The following NEB variants were observed in gnomAD, a reference collection of about 807,000 sequenced individuals.
The protein encoded by NEB is nebulin.
A neutral mutation model predicts 952.2 loss-of-function variants in NEB; 512 were observed. The ratio of observed to expected loss-of-function variants is 0.54; its 90% CI spans 0.50 to 0.58. NEB has a LOEUF of 0.58. NEB is among the 20% of genes least tolerant of loss of function. The probability of loss-of-function intolerance (pLI) is 0.00; values close to 1 mark genes in which losing one functional copy is unlikely to be tolerated. For missense variants in NEB, 8,428 were observed against 9,231.1 expected (o/e 0.91, Z 3.56); for synonymous variants, 2,900 against 3,149.8 (o/e 0.92, Z 2.66).
chr2:151,630,858 A>T, intron 66 of NEB, 39 bp from the exon 67 acceptor site: 1 of 1,493,016 alleles, frequency 6.7e-7, no homozygotes, highest in Non-Finnish European at 9.0e-7. Flanking sequence ...AAATCATTTG[A>T]AATAGAAATG....
chr2:151,554,513 T>C (rs899956136), intron 125 of NEB, among the ~76,000 whole-genome samples: 9 of 152,146 alleles, frequency 5.9e-5, no homozygotes, highest in African/African-American at 1.9e-4. Flanking sequence ...TGAGCTGTGA[T>C]TGCACCACTG....
Position 151,631,136 on chromosome 2 carries a change from G to T in NEB, c.9618+7C>A, listed in dbSNP as rs760075915. 2 of 1,613,626 alleles carry T rather than the reference G, an allele frequency of 1.2e-6. No individual in the cohort carries two copies. Among genetic ancestry groups the T allele is most frequent in the Non-Finnish European group, 8.5e-7 (1 of 1,179,654 alleles). Reference sequence around the variant, plus strand: ...TCTTGGAGAAGCTTAAGGCAGCTAGGACTCACCTTATTCATGTTGAGAGCA... The same window carrying T: ...TCTTGGAGAAGCTTAAGGCAGCTAGTACTCACCTTATTCATGTTGAGAGCA... On this transcript the variant is annotated splice_region_variant and intron_variant, in intron 66 of 181. Transcript: ENST00000397345.
In NEB at chr2:151,690,796, G is replaced by T. The variant is rs2149102366; in HGVS notation, c.2241C>A (p.Thr747=). Residue 747 remains threonine, a synonymous_variant, in exon 24 of 182, where the codon ACC becomes ACA. Coordinates refer to ENST00000397345, the MANE Select transcript of NEB (RefSeq NM_001164508.2). ...GAGAATCAGTGACTGCCGTGAATTTGGTCTTATCTGGATGAACTTTGTAGG... is the reference window on the plus strand; with the variant it reads ...GAGAATCAGTGACTGCCGTGAATTTTGTCTTATCTGGATGAACTTTGTAGG... ...DHTYKVHPDK[T]KFTAVTDSPV... 1 of 1,593,974 alleles carries T rather than the reference G, an allele frequency of 6.3e-7. No individual in the cohort carries two copies. Among genetic ancestry groups the T allele is most frequent in the Non-Finnish European group, 8.5e-7 (1 of 1,169,640 alleles).
chr2:151,556,721 G>A (rs1207456134), intron 124 of NEB, among the ~76,000 whole-genome samples: 1 of 152,004 alleles, frequency 6.6e-6, no homozygotes, highest in Non-Finnish European at 1.5e-5. Flanking sequence ...ACAAGTTCTT[G>A]GAGACCTACA....
intron 124 of NEB, among the ~76,000 whole-genome samples, chr2:151,558,938 T>C (rs978095324): frequency 1.3e-5 from 2 of 148,342 alleles, no homozygotes; most frequent in South Asian, 4.2e-4. Flanking sequence ...ACAAAGGCCA[T>C]TGGAATCTAA....
intron 100 of NEB, among the ~76,000 whole-genome samples, chr2:151,583,990 C>T (rs543874057): frequency 8.7e-6 from 1 of 115,480 alleles, no homozygotes; most frequent in Non-Finnish European, 1.8e-5. Context: ...GTATGGTGAA[C>T]AAGAGTAATG....
chr2:151,666,591 A>T (rs1178915407), intron 40 of NEB, among the ~76,000 whole-genome samples, 190 bp from the exon 41 acceptor site: 2 of 152,096 alleles, frequency 1.3e-5, no homozygotes, highest in African/African-American at 2.4e-5. Flanking sequence ...TGCCCTGGAG[A>T]TCATTAAAAA....
rs767808659 is a variant in NEB at position 151,529,228 on chromosome 2, G to A, written c.21717C>T (p.Ala7239=). The A allele has an allele frequency of 6.2e-7, 1 of 1,612,036 alleles. No homozygotes were observed. Among genetic ancestry groups the A allele is most frequent in the African/African-American group, 1.3e-5 (1 of 74,862 alleles). Reference sequence around the variant, plus strand: ...AACTTACATTGGTGTTGACTTTGTAGGCGTCCTTGGCTGCTTTGATATGAA... The same window carrying A: ...AACTTACATTGGTGTTGACTTTGTAAGCGTCCTTGGCTGCTTTGATATGAA... ...DAVHIKAAKD[A]YKVNTNLDYK... The change falls in exon 146 of 182, where the codon GCC becomes GCT. Residue 7239 remains alanine (A), a synonymous_variant. Transcript: ENST00000397345.
At chr2:151,617,657 T>C (rs1053879116) in intron 74 of NEB, among the ~76,000 whole-genome samples, 189 bp from the exon 75 acceptor site, 2 of 152,132 alleles carry the variant, frequency 1.3e-5, no homozygotes, top group East Asian at 1.9e-4. Flanking sequence ...AAAGGACTTA[T>C]CGGTTATGAA....
Position 151,514,935 on chromosome 2 carries a change from T to C in NEB, c.22906-7A>G. 1 of 1,510,314 alleles carries C rather than the reference T, an allele frequency of 6.6e-7. No homozygotes were observed. The highest frequency in any genetic ancestry group is 9.0e-7 in the Non-Finnish European group (1 of 1,107,864). The allele number at this position is 1,510,314 out of a possible 1,614,324, so 93.6% of individuals were successfully genotyped here. A position where few individuals can be genotyped will look rare whatever the true frequency, so the allele number is the denominator to read the frequency against. On this transcript the variant is annotated splice_region_variant and splice_polypyrimidine_tract_variant and intron_variant, in intron 157 of 181. Transcript: ENST00000397345. ...AATCTTTCCTATATTCTTTCTAATG[T>C]AAGTAGGAAGGAAAGACAAGTTAAA... is the stretch of plus-strand genomic sequence containing the variant.
At chr2:151,529,731 G>A (rs896576282) in intron 145 of NEB, among the ~76,000 whole-genome samples, 3 of 152,092 alleles carry the variant, frequency 2.0e-5, no homozygotes, top group Admixed American at 6.5e-5. Context: ...GTTTCGCCAC[G>A]TTGGCCAGGC....
chr2:151,498,450 AAGTT>A, intron 169 of NEB, 98 bp from the exon 170 acceptor site: 3 of 766,942 alleles, frequency 3.9e-6, no homozygotes, highest in South Asian at 4.0e-5. Context: ...GGAAGAGAGT[AAGTT>A]AGAGGAAGAG....
intron 70 of NEB, among the ~76,000 whole-genome samples, chr2:151,626,542 CT>C (rs1311026671): frequency 1.9e-3 from 276 of 145,296 alleles, no homozygotes; most frequent in Middle Eastern, 3.5e-3. Context: ...CTGTCCCATT[CT>C]TTTTTTTTTT....
Position 151,498,255 on chromosome 2 carries a change from A to C in NEB, c.24207+5T>G, listed in dbSNP as rs932456139. On this transcript the variant is annotated splice_donor_5th_base_variant and intron_variant, in intron 170 of 181. Coordinates refer to ENST00000397345, the MANE Select transcript of NEB (RefSeq NM_001164508.2). ...GGCATTTTTTCCCCTTTCTTTCCAA[A>C]ATACCGAGCTAAGGTTTTCTTGATT... 3 of 1,551,224 alleles carry C rather than the reference A, an allele frequency of 1.9e-6. No homozygotes were observed. In the African/African-American group the frequency reaches 4.1e-5, roughly 21 times the overall value.
intron 181 of NEB, among the ~76,000 whole-genome samples, chr2:151,489,636 ATCC>A (rs1236072062): frequency 1.3e-5 from 2 of 152,164 alleles, no homozygotes; most frequent in African/African-American, 4.8e-5. Context: ...AGCTCAAGCA[ATCC>A]TCCTGCATCA....
chr2:151,485,723 T>A lies in NEB; in HGVS notation c.*37A>T. ...AAACCGAAACATTGACTGCAGGATC[T>A]GTAAGTCCTGCAGACAAGTGTGATG... is the stretch of plus-strand genomic sequence containing the variant. On this transcript the variant is annotated 3_prime_UTR_variant, in exon 182 of 182. Coordinates refer to ENST00000397345, the MANE Select transcript of NEB (RefSeq NM_001164508.2). 1 of 1,566,852 alleles carries A rather than the reference T, an allele frequency of 6.4e-7. No homozygotes were observed. The highest frequency in any genetic ancestry group is 2.3e-5 in the East Asian group (1 of 44,194).
intron 88 of NEB, among the ~76,000 whole-genome samples, chr2:151,601,496 T>C (rs995224746): frequency 8.6e-6 from 1 of 115,710 alleles, no homozygotes; most frequent in African/African-American, 3.5e-5. Context: ...AGTATATTTC[T>C]AGCACACATT....
chr2:151,512,937 G>C, intron 160 of NEB, 100 bp from the exon 161 acceptor site: 1 of 763,358 alleles, frequency 1.3e-6, no homozygotes, highest in South Asian at 1.6e-5. Flanking sequence ...TTTTCCAAGA[G>C]GGACTCATTC....
chr2:151,618,335 G>C lies in NEB; in HGVS notation c.11016C>G (p.Thr3672=). ...YRQRPETLKF[T]SITDTPEQVL... Reference sequence around the variant, plus strand: ...CCTGCTCCGGAGTGTCCGTTATACTGGTAAATTTCAGCGTTTCTGGACGCT... The same window carrying C: ...CCTGCTCCGGAGTGTCCGTTATACTCGTAAATTTCAGCGTTTCTGGACGCT... Residue 3672 remains threonine, a synonymous_variant, in exon 74 of 182, where the codon ACC becomes ACG. Coordinates refer to ENST00000397345, the MANE Select transcript of NEB (RefSeq NM_001164508.2). 1 of 1,613,920 alleles carries C rather than the reference G, an allele frequency of 6.2e-7. No individual in the cohort carries two copies. Among genetic ancestry groups the C allele is most frequent in the Non-Finnish European group, 8.5e-7 (1 of 1,179,866 alleles).
Sources: gnomAD v4.1 joint callset for allele counts (sites outside exome capture counted in the v4.1 genomes callset) on GRCh38, gnomAD v4.1.1 for gene constraint, MANE v1.5 for transcripts, NCBI Gene and HGNC (gene_info 2026-07-23, HGNC 2026-07-21) for gene names.